Variants in FAT4 observed in about 807,000 individuals in gnomAD.
FAT4 encodes FAT atypical cadherin 4.
Under a neutral mutation model 303.9 loss-of-function variants are expected in FAT4, and 84 were observed. The observed-to-expected ratio is 0.28, with a 90% CI of 0.23 to 0.33. FAT4 has a LOEUF of 0.33. Among genes scored for constraint, FAT4 ranks in the 10% least tolerant of loss-of-function variants. The pLI is 1.00. For missense variants in FAT4, 6,005 were observed against 6,146.8 expected (o/e 0.98, Z 0.77); for synonymous variants, 2,307 against 2,298.8 (o/e 1.00, Z -0.10).
At chr4:125,350,674 T>G (rs1014347936) in intron 2 of FAT4, among the ~76,000 whole-genome samples, 4 of 151,688 alleles carry the variant, frequency 2.6e-5, no homozygotes, top group African/African-American at 9.7e-5. Flanking sequence ...CAGGAAGGCT[T>G]GGATCCTTAC....
intron 8 of FAT4, among the ~76,000 whole-genome samples, chr4:125,436,963 T>C (rs1409093355): frequency 1.3e-5 from 2 of 152,152 alleles, no homozygotes; most frequent in Non-Finnish European, 2.9e-5. Flanking sequence ...CCAGTGATTC[T>C]CCTGCCTCAG....
In FAT4 at chr4:125,318,581, G is replaced by A; in HGVS notation, c.2170G>A (p.Val724Ile). ...CCCAGACTTGGGTACCAATGGTACT[G>A]TCAAATATAGCATATCTGCTGGGGA... ...TDPDLGTNGT[V>I]KYSISAGDRS... is the part of the protein sequence containing the mutation. Residue 724 changes from valine to isoleucine, a missense_variant, in exon 2 of 18, where the codon GTC becomes ATC. Transcript: ENST00000394329. The A allele has an allele frequency of 6.2e-7, 1 of 1,614,174 alleles. No individual in the cohort carries two copies. The highest frequency in any genetic ancestry group is 8.5e-7 in the Non-Finnish European group (1 of 1,180,034).
chr4:125,434,368 C>A lies in FAT4; in HGVS notation c.7142C>A (p.Thr2381Lys). 1 of 1,614,020 alleles carries A rather than the reference C, an allele frequency of 6.2e-7. No individual in the cohort carries two copies. The highest frequency in any genetic ancestry group is 8.5e-7 in the Non-Finnish European group (1 of 1,179,948). The stretch of plus-strand genomic sequence containing the variant: ...ATTCCTGAGGATGCACCAACTGGAA[C>A]AGATGTTTTATTGGTAAATGCCTCA... ...TTIPEDAPTG[T>K]DVLLVNASDA... Residue 2381 changes from threonine to lysine, a missense_variant, in exon 8 of 18, where the codon ACA (threonine) becomes AAA (lysine). Transcript: ENST00000394329.
At chr4:125,397,411 A>G (rs1035370472) in intron 2 of FAT4, among the ~76,000 whole-genome samples, 2 of 152,126 alleles carry the variant, frequency 1.3e-5, no homozygotes, top group African/African-American at 4.8e-5. Context: ...TTGGAAATGC[A>G]TCTTCCAGGC....
chr4:125,418,095 C>G (rs1166680530), intron 7 of FAT4, among the ~76,000 whole-genome samples: 1 of 152,094 alleles, frequency 6.6e-6, no homozygotes, highest in African/African-American at 2.4e-5. Context: ...TGTTTTCATT[C>G]AAAAGTCAAA....
rs1306684636 is a variant in FAT4 at position 125,485,643 on chromosome 4, A to T, written c.12823-1702A>T. ...TAAAGGACCTGGATGAGGCTGGTTT[A>T]CAGCTATTTTTTATATCATTAGAAG... On this transcript the variant is annotated intron_variant, in intron 16 of 17. Coordinates refer to ENST00000394329, the MANE Select transcript of FAT4 (RefSeq NM_001291303.3). Among the ~76,000 whole-genome samples, 3 of 152,190 alleles carry T rather than the reference A, an allele frequency of 2.0e-5. No homozygotes were observed. In the East Asian group the frequency reaches 5.8e-4, roughly 29 times the overall value.
intron 2 of FAT4, among the ~76,000 whole-genome samples, chr4:125,377,612 T>C (rs1733383655): frequency 1.3e-5 from 2 of 152,142 alleles, no homozygotes; most frequent in Admixed American, 1.3e-4. Flanking sequence ...TGAAGAATCA[T>C]GCACATTTTA....
At chr4:125,371,171 A>T (rs1305069917) in intron 2 of FAT4, among the ~76,000 whole-genome samples, 2 of 150,528 alleles carry the variant, frequency 1.3e-5, no homozygotes, top group Non-Finnish European at 3.0e-5. Context: ...AAAAAAGAAG[A>T]AGTTTAAATG....
In FAT4 at chr4:125,319,276, G is replaced by T; in HGVS notation, c.2865G>T (p.Leu955=). 3 of 1,614,082 alleles carry T rather than the reference G, an allele frequency of 1.9e-6. No homozygotes were observed. The highest frequency in any genetic ancestry group is 2.5e-6 in the Non-Finnish European group (3 of 1,180,016). The change falls in exon 2 of 18, where the codon CTG becomes CTT. Residue 955 remains leucine (L), a synonymous_variant. Transcript: ENST00000394329. Reference sequence around the variant, plus strand: ...GCACTATTAGTCTGCTTGGGCCCCTGGATGTTCATGCTGGCTCCTACCAAA... The same window carrying T: ...GCACTATTAGTCTGCTTGGGCCCCTTGATGTTCATGCTGGCTCCTACCAAA... ...KNGTISLLGP[L]DVHAGSYQIE...
rs748302347 is a variant in FAT4, at chr4:125,451,866, T to C, written c.10856T>C (p.Val3619Ala). 1 of 1,613,610 alleles carries C rather than the reference T, an allele frequency of 6.2e-7. No homozygotes were observed. The highest frequency in any genetic ancestry group is 8.5e-7 in the Non-Finnish European group (1 of 1,179,706). Reference protein sequence around the residue: ...QNDNPSQSRTVEIFVNYYGNL... With the variant: ...QNDNPSQSRTAEIFVNYYGNL... ...GACAATCCTTCACAGTCTCGGACGGTGGAGATATTTGTTAATTATTATGGT... is the reference window on the plus strand; with the variant it reads ...GACAATCCTTCACAGTCTCGGACGGCGGAGATATTTGTTAATTATTATGGT... Residue 3619 changes from valine to alanine, a missense_variant, in exon 10 of 18, where the codon GTG (valine) becomes GCG (alanine). Transcript: ENST00000394329.
At chr4:125,321,928 G>T (rs1319116273) in intron 2 of FAT4, among the ~76,000 whole-genome samples, 1 of 152,136 alleles carries the variant, frequency 6.6e-6, no homozygotes, top group Non-Finnish European at 1.5e-5. Flanking sequence ...AATAAGGAAG[G>T]CTACCAGAAG....
In FAT4 at chr4:125,321,569, A is replaced by G. The variant is rs747169399; in HGVS notation, c.5158A>G (p.Arg1720Gly). The G allele has an allele frequency of 2.5e-6, 4 of 1,609,260 alleles. No individual in the cohort carries two copies. In the South Asian group the frequency reaches 3.3e-5, roughly 13 times the overall value. The part of the protein sequence containing the change: ...YAIEKSTAFP[R>G]TQRAEVEITL... ...CATAGAAAAATCAACTGCTTTTCCC[A>G]GAACACAGAGAGCAGAGGTAATGAT... The change falls in exon 2 of 18, where the codon AGA becomes GGA. Residue 1720 changes from arginine to glycine, a missense_variant. Coordinates refer to ENST00000394329, the MANE Select transcript of FAT4 (RefSeq NM_001291303.3).
intron 14 of FAT4, among the ~76,000 whole-genome samples, chr4:125,478,892 C>G (rs1419193996): frequency 6.6e-6 from 1 of 152,138 alleles, no homozygotes; most frequent in East Asian, 1.9e-4. Flanking sequence ...GCTTCAATAG[C>G]TTCCCATCTC....
intron 9 of FAT4, among the ~76,000 whole-genome samples, chr4:125,447,189 C>T (rs562271936): frequency 6.6e-6 from 1 of 152,120 alleles, no homozygotes; most frequent in African/African-American, 2.4e-5. Context: ...CTAAGAAAGG[C>T]ATACTCTAAG....
intron 2 of FAT4, 22 bp from the exon 3 acceptor site, chr4:125,398,762 A>G (rs2126012639): frequency 1.2e-6 from 2 of 1,611,836 alleles, no homozygotes; most frequent in Non-Finnish European, 8.5e-7. Flanking sequence ...TCATTCACAC[A>G]TTGTTTCCTT....
chr4:125,492,788 T>C lies in FAT4; in HGVS notation c.*1020T>C, dbSNP rs1184245185. ...ATTTTCCTATGCTGAATAGTTTTCTTACTTTCAGGGAAGGTAAGAAAATAC... is the reference window on the plus strand; with the variant it reads ...ATTTTCCTATGCTGAATAGTTTTCTCACTTTCAGGGAAGGTAAGAAAATAC... On this transcript the variant is annotated 3_prime_UTR_variant, in exon 18 of 18. Transcript: ENST00000394329. The C allele has an allele frequency of 6.6e-6, 1 of 152,598 alleles. No homozygotes were observed. Among genetic ancestry groups the C allele is most frequent in the Non-Finnish European group, 1.5e-5 (1 of 68,018 alleles). 9.5% of individuals were successfully genotyped at this position (152,598 alleles called of 1,614,324 possible).
chr4:125,423,481 G>T (rs917167610), intron 7 of FAT4, among the ~76,000 whole-genome samples: 2 of 152,208 alleles, frequency 1.3e-5, no homozygotes, highest in Admixed American at 6.5e-5. Context: ...GAGCCTGCAG[G>T]TGCACAGAGG....
chr4:125,443,227 T>C (rs1272048182), intron 8 of FAT4, among the ~76,000 whole-genome samples: 1 of 152,186 alleles, frequency 6.6e-6, no homozygotes, highest in East Asian at 1.9e-4. Flanking sequence ...AGGGTTCAGA[T>C]CACAGTGGTC....
intron 10 of FAT4, among the ~76,000 whole-genome samples, chr4:125,456,403 C>G (rs752992344): frequency 2.3e-4 from 35 of 151,968 alleles, no homozygotes; most frequent in Non-Finnish European, 4.6e-4. Flanking sequence ...AGGAGATAAT[C>G]CAACTGATCA....
Sources: gnomAD v4.1 joint callset for allele counts (sites outside exome capture counted in the v4.1 genomes callset) on GRCh38, gnomAD v4.1.1 for gene constraint, MANE v1.5 for transcripts, NCBI Gene and HGNC (gene_info 2026-07-23, HGNC 2026-07-21) for gene names.